The following NFIA variants were observed in gnomAD, a reference collection of about 807,000 sequenced individuals.
NFIA encodes the protein nuclear factor 1 A-type.
Under a neutral mutation model 62.8 loss-of-function variants are expected in NFIA, and 8 were observed. The ratio of observed to expected loss-of-function variants is 0.13; its 90% confidence interval spans 0.07 to 0.23. NFIA has a LOEUF of 0.23. Among genes scored for constraint, NFIA ranks in the 10% least tolerant of loss-of-function variants. The pLI is 1.00. For missense variants in NFIA, 410 were observed against 642.1 expected (o/e 0.64, Z 3.91); for synonymous variants, 235 against 238.1 (o/e 0.99, Z 0.12).
chr1:61,343,695 G>A (rs996268121), intron 4 of NFIA, among the ~76,000 whole-genome samples: 2 of 152,184 alleles, frequency 1.3e-5, no homozygotes, highest in African/African-American at 4.8e-5. Flanking sequence ...GAAAGGAAAA[G>A]TAGAAAACAG....
At chr1:61,207,087 C>T (rs1361010380) in intron 2 of NFIA, among the ~76,000 whole-genome samples, 2 of 151,928 alleles carry the variant, frequency 1.3e-5, no homozygotes, top group Non-Finnish European at 2.9e-5. Flanking sequence ...AGCTGGGGAC[C>T]CTACATCTGG....
chr1:61,282,808 T>C (rs1286976252), intron 3 of NFIA, among the ~76,000 whole-genome samples: 4 of 152,240 alleles, frequency 2.6e-5, no homozygotes, highest in Non-Finnish European at 5.9e-5. Flanking sequence ...CACAGACTGC[T>C]AGTAATAACT....
chr1:61,236,259 G>C (rs184339031), intron 2 of NFIA, among the ~76,000 whole-genome samples: 1 of 152,224 alleles, frequency 6.6e-6, no homozygotes. Context: ...GACAAACCCA[G>C]TAGCCATCTG....
intron 6 of NFIA, among the ~76,000 whole-genome samples, chr1:61,377,494 G>C (rs1664208791): frequency 6.6e-6 from 1 of 152,116 alleles, no homozygotes; most frequent in Non-Finnish European, 1.5e-5. Flanking sequence ...TTGGGAATTA[G>C]ATGATGACAA....
In NFIA at chr1:61,209,322, A is replaced by G. The variant is rs182439378; in HGVS notation, c.560-68198A>G. On this transcript the variant is annotated intron_variant, in intron 2 of 10. Transcript: ENST00000403491. ...AGATTTGCTCTTCTGGAAGCCATCAATAGCCAGCTAGGGTTAAACAGGTTT... is the reference window on the plus strand; with the variant it reads ...AGATTTGCTCTTCTGGAAGCCATCAGTAGCCAGCTAGGGTTAAACAGGTTT... Among the ~76,000 whole-genome samples the G allele has an allele frequency of 8.6e-4, 131 of 152,242 alleles. 1 individual carries two copies. The highest frequency in any genetic ancestry group is 5.0e-4 in the Non-Finnish European group (34 of 68,004).
chr1:61,205,711 C>T (rs1306462342), intron 2 of NFIA, among the ~76,000 whole-genome samples: 2 of 152,078 alleles, frequency 1.3e-5, no homozygotes, highest in Non-Finnish European at 2.9e-5. Context: ...AGTTCAAACA[C>T]TTGGTTATCC....
At chr1:61,207,952 A>G (rs1033871209) in intron 2 of NFIA, among the ~76,000 whole-genome samples, 3 of 140,998 alleles carry the variant, frequency 2.1e-5, no homozygotes, top group South Asian at 2.5e-4. Context: ...GGATAGTGGT[A>G]TGCCTTGGAA....
At position 61,458,872 on chromosome 1, in the gene NFIA, C is replaced by T. The variant is rs1668418715; in HGVS notation, c.*3552C>T. On this transcript the variant is annotated 3_prime_UTR_variant, in exon 11 of 11. Transcript: ENST00000403491. ...TTGATGAAGCTAAAATTAGGGAACT[C>T]TGAACAGATTTGCAGGAAAAAATGT... 6.6e-6 allele frequency: 1 copy of T among 152,020 alleles called. No homozygotes were observed. The highest frequency in any genetic ancestry group is 6.6e-5 in the Admixed American group (1 of 15,260). The allele number at this position is 152,020 out of a possible 1,614,324, so 9.4% of individuals were successfully genotyped here. A position where few individuals can be genotyped will look rare whatever the true frequency, so the allele number is the denominator to read the frequency against.
Position 61,359,206 on chromosome 1 carries a change from T to G in NFIA, c.878T>G (p.Phe293Cys). The G allele has an allele frequency of 6.2e-7, 1 of 1,613,136 alleles. No individual in the cohort carries two copies. The highest frequency in any genetic ancestry group is 8.5e-7 in the Non-Finnish European group (1 of 1,179,972). ...DEMDSPGEEP[F>C]YTGQGRSPGS... The stretch of plus-strand genomic sequence containing the variant: ...ATGGACAGTCCTGGTGAGGAGCCAT[T>G]TTATACAGGCCAAGGGCGCTCCCCA... The change falls in exon 6 of 11, where the codon TTT (phenylalanine) becomes TGT (cysteine). Residue 293 changes from phenylalanine (F) to cysteine (C), a missense_variant. By Grantham distance (205) the Phe-to-Cys change is radical (BLOSUM62 -2). Coordinates refer to ENST00000403491, the MANE Select transcript of NFIA (RefSeq NM_001134673.4).
chr1:61,325,936 A>AAG (rs1347895116), intron 3 of NFIA, among the ~76,000 whole-genome samples: 1 of 151,066 alleles, frequency 6.6e-6, no homozygotes, highest in Non-Finnish European at 1.5e-5. Flanking sequence ...CTGTCTCAAA[A>AAG]AAAAAAAAAA....
At chr1:61,229,517 C>T (rs375525213) in intron 2 of NFIA, among the ~76,000 whole-genome samples, 19 of 152,056 alleles carry the variant, frequency 1.2e-4, no homozygotes, top group South Asian at 2.1e-4. Flanking sequence ...TAAGCTCAAA[C>T]AAAAATGGAA....
rs2474393 is a variant in NFIA at position 61,385,290 on chromosome 1, A to T, written c.1075+1925A>T. On this transcript the variant is annotated intron_variant, in intron 7 of 10. Coordinates refer to ENST00000403491, the MANE Select transcript of NFIA (RefSeq NM_001134673.4). ...TAACATTGAAGTCAAATCTTAAAAG[A>T]TGCTTAGATAAATGGAGGGCCATCC... 9.7e-3 allele frequency among the ~76,000 whole-genome samples: 1,474 copies of T among 152,292 alleles called. 24 individuals are homozygous for T. Among genetic ancestry groups the T allele is most frequent in the African/African-American group, 0.034 (1,424 of 41,556 alleles).
chr1:61,220,583 C>A (rs1340367920), intron 2 of NFIA, among the ~76,000 whole-genome samples: 1 of 152,094 alleles, frequency 6.6e-6, no homozygotes, highest in Non-Finnish European at 1.5e-5. Flanking sequence ...CATATGAATC[C>A]ATTTAATTAT....
upstream of NFIA, chr1:61,082,270 G>A (rs1313877500): frequency 1.1e-5 from 4 of 378,602 alleles, no homozygotes; most frequent in Non-Finnish European, 1.8e-5. Context: ...GCCACGGAGA[G>A]AGCCGGGGAG....
chr1:61,406,580 G>T lies in NFIA; in HGVS notation c.1273G>T (p.Gly425Cys), dbSNP rs756460825. 1 of 1,266,942 alleles carries T rather than the reference G, an allele frequency of 7.9e-7. No individual in the cohort carries two copies. The highest frequency in any genetic ancestry group is 2.1e-4 in the Middle Eastern group (1 of 4,740). The allele number at this position is 1,266,942 out of a possible 1,614,324, so 78.5% of individuals were successfully genotyped here. ...CCCACAGCCCAATGGGAGCAGCCAA[G>T]GCAAGGTGCACAACCCATTCCTTCC... Reference protein sequence around the residue: ...GFLNPNGSSQGKVHNPFLPTP... With the variant: ...GFLNPNGSSQCKVHNPFLPTP... The change falls in exon 9 of 11, where the codon GGC becomes TGC. Residue 425 changes from glycine to cysteine, a missense_variant. Physicochemically the swap from Gly to Cys is radical, Grantham distance 159 (BLOSUM62 -3). Transcript: ENST00000403491.
At position 61,359,274 on chromosome 1, in the gene NFIA, G is replaced by A; in HGVS notation, c.946G>A (p.Gly316Arg). Residue 316 changes from glycine (G) to arginine (R), a missense_variant and splice_region_variant, in exon 6 of 11, where the codon GGA becomes AGA. Physicochemically the swap from Gly to Arg is moderately radical, Grantham distance 125 (BLOSUM62 -2). Around this residue, in one of 3 missense-constraint regions of NFIA, gnomAD observed 298 missense variants for 438.1 expected, o/e 0.68. Transcript: ENST00000403491. ...QSSGWHEVEP[G>R]MPSPTTLKKS... ...AAGTGGATGGCATGAAGTGGAGCCA[G>A]GTAAGCAGAGTGGCGGCACGGGCAT... The A allele has an allele frequency of 6.2e-7, 1 of 1,612,300 alleles. No individual in the cohort carries two copies. The highest frequency in any genetic ancestry group is 8.5e-7 in the Non-Finnish European group (1 of 1,179,958).
intron 3 of NFIA, among the ~76,000 whole-genome samples, chr1:61,313,667 T>TAA (rs940143547): frequency 2.0e-5 from 3 of 152,140 alleles, no homozygotes; most frequent in Admixed American, 2.0e-4. Context: ...TTGGTTTGGG[T>TAA]AAAATCTACT....
chr1:61,141,722 C>G (rs1405670311), intron 2 of NFIA, among the ~76,000 whole-genome samples: 2 of 152,160 alleles, frequency 1.3e-5, no homozygotes, highest in Non-Finnish European at 2.9e-5. Flanking sequence ...TTGTCTTGAC[C>G]TGTTTCATTT....
intron 9 of NFIA, among the ~76,000 whole-genome samples, chr1:61,424,342 C>T (rs1036183052): frequency 1.4e-5 from 2 of 141,514 alleles, no homozygotes; most frequent in South Asian, 4.2e-4. Flanking sequence ...AAAAATGACA[C>T]CCCCCCCTCA....
Sources: gnomAD v4.1 joint callset for allele counts (sites outside exome capture counted in the v4.1 genomes callset) on GRCh38, gnomAD v4.1.1 for gene constraint, gnomAD v4.1.1 regional missense constraint, MANE v1.5 for transcripts, NCBI Gene and HGNC (gene_info 2026-07-23, HGNC 2026-07-21) for gene names.